The following PAK2 variants were observed in gnomAD, a reference collection of about 807,000 sequenced individuals.
The protein encoded by PAK2 is p21 (RAC1) activated kinase 2.
PAK2 carries 21 observed loss-of-function variants against 65.9 expected under a neutral mutation model. The ratio of observed to expected loss-of-function variants is 0.32; its 90% CI spans 0.23 to 0.46. PAK2 has a LOEUF of 0.46. Ranked by LOEUF, PAK2 falls within the 20% of genes least tolerant of loss-of-function variation. PAK2 has a pLI of 1.00. For missense variants in PAK2, 324 were observed against 642.6 expected (o/e 0.50, Z 5.36); for synonymous variants, 204 against 219.7 (o/e 0.93, Z 0.63).
At chr3:196,815,816 T>C (rs1420090995) in intron 11 of PAK2, among the ~76,000 whole-genome samples, 3 of 151,682 alleles carry the variant, frequency 2.0e-5, no homozygotes, top group African/African-American at 7.3e-5. Flanking sequence ...AATACGCCAC[T>C]CAACCGTGGA....
chr3:196,742,890 C>A lies in PAK2; in HGVS notation c.-22+2733C>A, dbSNP rs545242951. Among the ~76,000 whole-genome samples the A allele has an allele frequency of 3.2e-4, 49 of 152,184 alleles. 1 individual carries two copies. In the South Asian group the frequency reaches 7.3e-3, roughly 23 times the overall value. ...AGTCGAGATCGCGCCACTGCACTCC[C>A]GCCTGGGCTACAGAGCGAGACTCCG... On this transcript the variant is annotated intron_variant, in intron 1 of 14. Coordinates refer to ENST00000327134, the MANE Select transcript of PAK2 (RefSeq NM_002577.4).
chr3:196,745,119 CTTT>C (rs34651855), intron 1 of PAK2, among the ~76,000 whole-genome samples: 5 of 135,530 alleles, frequency 3.7e-5, no homozygotes, highest in Admixed American at 7.5e-5. Context: ...GTGTTTCAAT[CTTT>C]TTTTTTTTTT....
At chr3:196,813,469 A>C (rs1019599168) in intron 10 of PAK2, among the ~76,000 whole-genome samples, 1 of 151,650 alleles carries the variant, frequency 6.6e-6, no homozygotes, top group African/African-American at 2.4e-5. Context: ...AAAAAAAAAA[A>C]AAAGAAAAGA....
At chr3:196,803,576 T>A (rs886397398) in intron 4 of PAK2, among the ~76,000 whole-genome samples, 5 of 152,188 alleles carry the variant, frequency 3.3e-5, no homozygotes, top group Non-Finnish European at 7.3e-5. Context: ...CTAAAAAATG[T>A]TTAGGTCCAC....
At chr3:196,783,452 C>T (rs947361512) in intron 2 of PAK2, among the ~76,000 whole-genome samples, 2 of 151,872 alleles carry the variant, frequency 1.3e-5, no homozygotes, top group African/African-American at 4.8e-5. Flanking sequence ...CACAGTGGCT[C>T]GTGCCTGTAA....
intron 2 of PAK2, among the ~76,000 whole-genome samples, chr3:196,796,136 GCCGGTTCCTAACAAGCC>G (rs1419500773): frequency 6.6e-6 from 1 of 152,212 alleles, no homozygotes; most frequent in Non-Finnish European, 1.5e-5. Flanking sequence ...CTGCCGTGCA[GCCGGTTCCTAACAAGCC>G]TCGGACTCTG....
At chr3:196,810,526 T>C (rs1354996139) in intron 7 of PAK2, 64 bp from the exon 8 acceptor site, 3 of 842,126 alleles carry the variant, frequency 3.6e-6, no homozygotes, top group East Asian at 4.8e-5. Context: ...AAAGGAATAA[T>C]AATATCACAA....
intron 1 of PAK2, among the ~76,000 whole-genome samples, chr3:196,751,678 T>TATATATAC (rs1250931121): frequency 1.6e-5 from 1 of 63,966 alleles, no homozygotes; most frequent in Admixed American, 1.4e-4. Flanking sequence ...TATATACATA[T>TATATATAC]ATATATATAT....
chr3:196,750,829 GCTTT>G (rs1713555106), intron 1 of PAK2, among the ~76,000 whole-genome samples: 1 of 148,512 alleles, frequency 6.7e-6, no homozygotes, highest in Non-Finnish European at 1.5e-5. Context: ...TTTATTTAAT[GCTTT>G]CTGTTTTTTA....
chr3:196,751,748 T>C (rs1274163822), intron 1 of PAK2, among the ~76,000 whole-genome samples: 1 of 134,518 alleles, frequency 7.4e-6, no homozygotes, highest in Non-Finnish European at 1.6e-5. Context: ...TTTCTTTTTT[T>C]TTTTTTTTTT....
intron 2 of PAK2, among the ~76,000 whole-genome samples, chr3:196,790,768 G>A (rs1218825533): frequency 6.6e-6 from 1 of 152,192 alleles, no homozygotes; most frequent in African/African-American, 2.4e-5. Context: ...AAGGAAGCTT[G>A]CATTTATTTA....
rs183286577 is a variant in PAK2 at position 196,822,069 on chromosome 3, A to T, written c.1350+1502A>T. 5.8e-4 allele frequency among the ~76,000 whole-genome samples: 88 copies of T among 152,274 alleles called. 1 individual carries two copies. Among genetic ancestry groups the T allele is most frequent in the Admixed American group, 1.8e-3 (28 of 15,284 alleles). On this transcript the variant is annotated intron_variant, in intron 13 of 14. Transcript: ENST00000327134. ...ACCGTCTGTTTCCTGAATGCTTTTC[A>T]TCCAGTTGCCAAAGATTCCAGTTTA...
In PAK2 at chr3:196,820,634, G is replaced by A. The variant is rs1711613133; in HGVS notation, c.1350+67G>A. 1.1e-5 allele frequency: 10 copies of A among 870,300 alleles called. No individual in the cohort carries two copies. The highest frequency in any genetic ancestry group is 2.5e-5 in the Admixed American group (1 of 39,742). The allele number at this position is 870,300 out of a possible 1,614,324, so 53.9% of individuals were successfully genotyped here. On this transcript the variant is annotated intron_variant, in intron 13 of 14. Coordinates refer to ENST00000327134, the MANE Select transcript of PAK2 (RefSeq NM_002577.4). This position sits in a 1 kb window ranked among gnomAD's most constrained non-coding sequence, Gnocchi z 4.6. Reference sequence around the variant, plus strand: ...TGAAACTCTTATTTAGAACTTGCACGTGCCTGGCACTGTCCAAGAATTTAA... The same window carrying A: ...TGAAACTCTTATTTAGAACTTGCACATGCCTGGCACTGTCCAAGAATTTAA...
In PAK2 at chr3:196,820,525, G is replaced by A; in HGVS notation, c.1308G>A (p.Met436Ile). The change falls in exon 13 of 15, where the codon ATG becomes ATA. Residue 436 changes from methionine (M) to isoleucine (I), a missense_variant. Met to Ile is a conservative substitution (Grantham distance 10). This residue lies in a region of PAK2 where 36 missense variants were observed against 161.5 expected (regional missense o/e 0.22). Coordinates refer to ENST00000327134, the MANE Select transcript of PAK2 (RefSeq NM_002577.4). The surrounding 1 kb of genome is among the most constrained non-coding windows in gnomAD (Gnocchi z 4.6). ...CTCTGGGTATCATGGCTATTGAGAT[G>A]GTAGAAGGAGAGCCTCCATACCTCA... ...IWSLGIMAIE[M>I]VEGEPPYLNE... 2 of 1,609,528 alleles carry A rather than the reference G, an allele frequency of 1.2e-6. No homozygotes were observed. The highest frequency in any genetic ancestry group is 1.7e-6 in the Non-Finnish European group (2 of 1,177,254).
chr3:196,749,461 T>C (rs1043441586), intron 1 of PAK2, among the ~76,000 whole-genome samples: 1 of 152,158 alleles, frequency 6.6e-6, no homozygotes. Flanking sequence ...GGTATCATGT[T>C]AGTTTTGATT....
chr3:196,748,537 C>T (rs1377823099), intron 1 of PAK2, among the ~76,000 whole-genome samples: 2 of 152,186 alleles, frequency 1.3e-5, no homozygotes, highest in South Asian at 2.1e-4. Context: ...CTACCTCCAT[C>T]GCAATGCCTT....
At chr3:196,804,881 A>G (rs1715538415) in intron 4 of PAK2, among the ~76,000 whole-genome samples, 1 of 151,760 alleles carries the variant, frequency 6.6e-6, no homozygotes, top group South Asian at 2.1e-4. Flanking sequence ...ACATATATGT[A>G]TGTCTCTGGG....
chr3:196,786,238 C>T (rs1714884473), intron 2 of PAK2, among the ~76,000 whole-genome samples: 1 of 150,754 alleles, frequency 6.6e-6, no homozygotes, highest in Non-Finnish European at 1.5e-5. Flanking sequence ...TCTCAGCTCT[C>T]TGCAACCTCC....
rs71301221 is a variant in PAK2 at position 196,759,498 on chromosome 3, G to GTTTTTTTTTTTTTTTTTTTTTTTTTTT, written c.-22+19354_-22+19380dup. Among the ~76,000 whole-genome samples, 11 of 108,112 alleles carry GTTTTTTTTTTTTTTTTTTTTTTTTTTT rather than the reference G, an allele frequency of 1.0e-4. 3 individuals are homozygous for GTTTTTTTTTTTTTTTTTTTTTTTTTTT. The highest frequency in any genetic ancestry group is 1.8e-4 in the African/African-American group (5 of 27,940). 70.9% of individuals were successfully genotyped at this position (108,112 alleles called of 152,430 possible). On this transcript the variant is annotated intron_variant, in intron 1 of 14. Transcript: ENST00000327134. ...GGTATACAGTTAAGTGGTTTTTTTT[G>GTTTTTTTTTTTTTTTTTTTTTTTTTTT]TTTTTTTTTTTTTTTTTTTTTTTTT...
Sources: gnomAD v4.1 joint callset for allele counts (sites outside exome capture counted in the v4.1 genomes callset) on GRCh38, gnomAD v4.1.1 for gene constraint, gnomAD v4.1.1 regional missense constraint, Gnocchi (gnomAD v3.1) non-coding constraint, MANE v1.5 for transcripts, NCBI Gene and HGNC (gene_info 2026-07-23, HGNC 2026-07-21) for gene names.